The following CDK5RAP3 variants were observed in gnomAD, a reference collection of about 807,000 sequenced individuals.
The protein encoded by CDK5RAP3 is CDK5 regulatory subunit-associated protein 3.
In CDK5RAP3, 58 loss-of-function variants were observed where a neutral mutation model predicts 73.3. The observed-to-expected ratio is 0.79, with a 90% CI of 0.64 to 0.98. The LOEUF (loss-of-function observed/expected upper bound fraction) is 0.98, where lower values mean the gene tolerates loss of function less well. Among genes scored for constraint, CDK5RAP3 ranks in the 50% least tolerant of loss-of-function variants. CDK5RAP3 has a pLI of 0.00. For missense variants in CDK5RAP3, 525 were observed against 615.8 expected (o/e 0.85, Z 1.56); for synonymous variants, 224 against 247.5 (o/e 0.91, Z 0.89).
intron 2 of CDK5RAP3, among the ~76,000 whole-genome samples, chr17:47,972,468 C>T (rs941261289): frequency 3.3e-5 from 5 of 152,222 alleles, no homozygotes; most frequent in Non-Finnish European, 5.9e-5. Flanking sequence ...GGGACCCCAG[C>T]GTTTGACCGG....
upstream of CDK5RAP3, chr17:47,970,596 C>T: frequency 2.1e-6 from 3 of 1,420,150 alleles, no homozygotes; most frequent in South Asian, 1.2e-5. Context: ...CTGCCCTAAT[C>T]GCCCAACACG....
chr17:47,970,286 A>G (rs2036233384), upstream of CDK5RAP3, among the ~76,000 whole-genome samples: 1 of 151,956 alleles, frequency 6.6e-6, no homozygotes, highest in Non-Finnish European at 1.5e-5. Context: ...CAAACCATCT[A>G]CGGTATAGAG....
chr17:47,980,136 C>G (rs1173305622), intron 11 of CDK5RAP3: 1 of 184,882 alleles, frequency 5.4e-6, no homozygotes, highest in Non-Finnish European at 1.1e-5. Context: ...AGTAGTCTCT[C>G]CTAGCGCTTA....
intron 5 of CDK5RAP3, chr17:47,974,751 C>T: frequency 1.6e-6 from 2 of 1,288,462 alleles, no homozygotes; most frequent in Non-Finnish European, 2.0e-6. Context: ...CCCACCCCCA[C>T]CCCCGCACCC....
chr17:47,974,414 T>A lies in CDK5RAP3; in HGVS notation c.300T>A (p.Ile100=), dbSNP rs768127248. 5.0e-6 allele frequency: 8 copies of A among 1,614,000 alleles called. No homozygotes were observed. Among genetic ancestry groups the A allele is most frequent in the Non-Finnish European group, 5.9e-6 (7 of 1,179,968 alleles). The part of the protein sequence containing the change: ...SSQRMKDWQE[I]IALYEKDNTY... ...TTCTTACTCAGGATTGGCAGGAGAT[T>A]ATAGCTCTGTATGAGAAGGACAACA... The change falls in exon 5 of 14, where the codon ATT becomes ATA. Residue 100 remains isoleucine (I), a synonymous_variant. Transcript: ENST00000338399.
intron 4 of CDK5RAP3, 86 bp downstream of exon 4, chr17:47,974,117 A>G: frequency 1.1e-6 from 1 of 904,682 alleles, no homozygotes; most frequent in Non-Finnish European, 1.8e-6. Context: ...CTGAGGCTCC[A>G]GTGGGGATGC....
rs2525087 is a variant in CDK5RAP3 at position 47,976,898 on chromosome 17, C to T, written c.909+76C>T. The T allele has an allele frequency of 6.3e-6, 6 of 955,532 alleles. No homozygotes were observed. The Admixed American group carries it at 7.6e-5, about 12-fold the overall frequency. The allele number at this position is 955,532 out of a possible 1,614,324, so 59.2% of individuals were successfully genotyped here. ...AGAAAAGTGTCATTTGTGTCTGTAA[C>T]GGCATCACTTGAAGTTCATAGCTCT... On this transcript the variant is annotated intron_variant, in intron 9 of 13. Transcript: ENST00000338399.
intron 6 of CDK5RAP3, 87 bp from the exon 7 acceptor site, chr17:47,975,427 A>T: frequency 6.2e-7 from 1 of 1,604,802 alleles, no homozygotes; most frequent in East Asian, 2.2e-5. Context: ...GCCTGGTTGC[A>T]CCCCCTTTGG....
intron 5 of CDK5RAP3, chr17:47,974,890 T>G: frequency 1.5e-6 from 2 of 1,361,504 alleles, no homozygotes; most frequent in Non-Finnish European, 1.9e-6. Flanking sequence ...TAATATTTCC[T>G]GAGCATCTAC....
chr17:47,973,631 C>T lies in CDK5RAP3; in HGVS notation c.165C>T (p.Ala55=), dbSNP rs759685331. The change falls in exon 3 of 14, where the codon GCC becomes GCT. Residue 55 remains alanine, a synonymous_variant. Coordinates refer to ENST00000338399, the MANE Select transcript of CDK5RAP3 (RefSeq NM_176096.3). The stretch of plus-strand genomic sequence containing the variant: ...ACATGCCAGAGAGCGAAGAGATCGC[C>T]CAGCTGCTGTCTGGGTCCTGTGAGT... The part of the protein sequence containing the change: ...IQDMPESEEI[A]QLLSGSYIHY... 2.1e-5 allele frequency: 34 copies of T among 1,613,992 alleles called. No individual in the cohort carries two copies. Among genetic ancestry groups the T allele is most frequent in the Non-Finnish European group, 2.7e-5 (32 of 1,180,034 alleles).
chr17:47,976,674 C>T (rs1434216480), intron 8 of CDK5RAP3, 38 bp from the exon 9 acceptor site: 1 of 1,432,040 alleles, frequency 7.0e-7, no homozygotes, highest in African/African-American at 1.4e-5. Context: ...CTTTTTAAAT[C>T]CATCTTCCAT....
At chr17:47,974,356 C>T (rs768728715) in intron 4 of CDK5RAP3, 44 bp from the exon 5 acceptor site, 8 of 1,533,674 alleles carry the variant, frequency 5.2e-6, no homozygotes, top group African/African-American at 2.7e-5. Context: ...ATGTGGCTGT[C>T]GAGTGCTTTT....
chr17:47,977,381 C>T (rs2036439935), intron 9 of CDK5RAP3, among the ~76,000 whole-genome samples: 1 of 152,144 alleles, frequency 6.6e-6, no homozygotes, highest in Non-Finnish European at 1.5e-5. Flanking sequence ...ATCTCCTGAC[C>T]TCGTGATCCG....
rs775832292 is a variant in CDK5RAP3, at chr17:47,980,754, C to G, written c.1239C>G (p.Thr413=). ...TGGAGGATCTGATTGGCAAGCTTACCAGTCTTCAGCTGCAACACCTGTTTA... is the reference window on the plus strand; with the variant it reads ...TGGAGGATCTGATTGGCAAGCTTACGAGTCTTCAGCTGCAACACCTGTTTA... ...SVLEDLIGKL[T]SLQLQHLFMI... is the part of the protein sequence containing the mutation. The change falls in exon 12 of 14, where the codon ACC becomes ACG. Residue 413 remains threonine, a synonymous_variant. Coordinates refer to ENST00000338399, the MANE Select transcript of CDK5RAP3 (RefSeq NM_176096.3). 6.2e-7 allele frequency: 1 copy of G among 1,614,160 alleles called. No individual in the cohort carries two copies. The highest frequency in any genetic ancestry group is 1.1e-5 in the South Asian group (1 of 91,076).
At chr17:47,969,580 A>AAAAAAAAAAAAAAAG (rs1567720961), upstream of CDK5RAP3, among the ~76,000 whole-genome samples, 236 of 131,342 alleles carry the variant, frequency 1.8e-3, 4 homozygotes, top group African/African-American at 6.3e-3. Flanking sequence ...AAAAAAAAAA[A>AAAAAAAAAAAAAAAG]AAAAGAAAAG....
chr17:47,970,927 C>T, upstream of CDK5RAP3: 3 of 1,450,618 alleles, frequency 2.1e-6, no homozygotes, highest in Non-Finnish European at 2.7e-6. Flanking sequence ...TTGGCTGTCT[C>T]CATTCTCCCG....
At chr17:47,970,817 G>A, upstream of CDK5RAP3, 1 of 1,419,472 alleles carries the variant, frequency 7.0e-7, no homozygotes, top group Non-Finnish European at 9.5e-7. Context: ...AGGGGAAGCG[G>A]CTGCCAGGCT....
At chr17:47,980,992 T>C in intron 12 of CDK5RAP3, 171 bp from the exon 13 acceptor site, 1 of 860,482 alleles carries the variant, frequency 1.2e-6, no homozygotes, top group Non-Finnish European at 1.8e-6. Context: ...GCTTCCTGAG[T>C]AGGACAGGGG....
At chr17:47,980,240 T>C in intron 11 of CDK5RAP3, 1 of 276,354 alleles carries the variant, frequency 3.6e-6, no homozygotes, top group Non-Finnish European at 7.1e-6. Context: ...TGAGTTCTTC[T>C]CTCAGTTTGA....
Sources: allele counts gnomAD v4.1 joint callset (sites outside exome capture counted in the v4.1 genomes callset), GRCh38; gene constraint gnomAD v4.1.1; transcripts MANE v1.5; gene names NCBI Gene and HGNC (gene_info 2026-07-23, HGNC 2026-07-21).